FABP6: variants seen among roughly 807,000 people sequenced by gnomAD.
FABP6 encodes the protein gastrotropin.
FABP6 carries 13 observed loss-of-function variants against 14.9 expected under a neutral mutation model. That is an observed-to-expected ratio of 0.87 (90% CI 0.57 to 1.39). The LOEUF (loss-of-function observed/expected upper bound fraction) is 1.39. Ranked by LOEUF, FABP6 falls within the 40% of genes most tolerant of loss-of-function variation. FABP6 has a pLI of 0.00. For missense variants in FABP6, 161 were observed against 167.2 expected (o/e 0.96, Z 0.20); for synonymous variants, 75 against 63.6 (o/e 1.18, Z -0.85).
intron 3 of FABP6, among the ~76,000 whole-genome samples, chr5:160,235,143 C>T (rs545382605): frequency 6.6e-6 from 1 of 152,264 alleles, no homozygotes; most frequent in South Asian, 2.1e-4. Context: ...TGAGGGAGCA[C>T]ACAGATTTGA....
intron 2 of FABP6, among the ~76,000 whole-genome samples, chr5:160,206,232 C>A (rs1759761749): frequency 6.6e-6 from 1 of 152,086 alleles, no homozygotes; most frequent in Non-Finnish European, 1.5e-5. Context: ...GAGTTTGAGA[C>A]CAACCTGGCC....
At chr5:160,208,950 G>A (rs72810202) in intron 2 of FABP6, among the ~76,000 whole-genome samples, 68,478 of 151,114 alleles carry the variant, frequency 0.45, 15,991 homozygotes, top group East Asian at 0.73. Flanking sequence ...CTAATTTTTT[G>A]TATTTTTGGT....
chr5:160,208,093 ATTT>A (rs1032171203), intron 2 of FABP6, among the ~76,000 whole-genome samples: 4 of 151,948 alleles, frequency 2.6e-5, no homozygotes, highest in African/African-American at 9.7e-5. Flanking sequence ...AATTTTATGC[ATTT>A]TTCTGAATTT....
chr5:160,218,011 T>G (rs922385380), intron 3 of FABP6, among the ~76,000 whole-genome samples: 47 of 152,096 alleles, frequency 3.1e-4, no homozygotes, highest in African/African-American at 1.1e-3. Flanking sequence ...CAAACATAGC[T>G]CACTGCAGCC....
At chr5:160,208,852 C>G (rs1165640746) in intron 2 of FABP6, among the ~76,000 whole-genome samples, 1 of 150,366 alleles carries the variant, frequency 6.7e-6, no homozygotes, top group Non-Finnish European at 1.5e-5. Flanking sequence ...TCTCGGCTCA[C>G]TGCAACCTCT....
At chr5:160,233,858 C>T (rs1013075340) in intron 2 of FABP6, among the ~76,000 whole-genome samples, 60 of 145,972 alleles carry the variant, frequency 4.1e-4, no homozygotes, top group Admixed American at 2.8e-4. Flanking sequence ...GGCAACAGGG[C>T]GAGGCTCCGT....
chr5:160,201,742 T>C (rs547455416), intron 2 of FABP6, among the ~76,000 whole-genome samples: 8 of 151,398 alleles, frequency 5.3e-5, no homozygotes, highest in African/African-American at 1.7e-4. Flanking sequence ...GTGAGGTTTC[T>C]TTGAACTCAT....
In FABP6 at chr5:160,205,882, A is replaced by G. The variant is rs115214704; in HGVS notation, c.51+6725A>G. On this transcript the variant is annotated intron_variant, in intron 2 of 6. Coordinates refer to the FABP6 transcript ENST00000393980. ...CTGATCCACACAATCAGTCAACTTG[A>G]GAGTCCTCCCTTCCCATCTCTGGAA... 4.6e-3 allele frequency among the ~76,000 whole-genome samples: 697 copies of G among 152,332 alleles called. 7 individuals are homozygous for G. Among genetic ancestry groups the G allele is most frequent in the African/African-American group, 0.016 (681 of 41,578 alleles).
chr5:160,225,953 C>T (rs974088809), upstream of FABP6, among the ~76,000 whole-genome samples: 11 of 151,942 alleles, frequency 7.2e-5, no homozygotes, highest in African/African-American at 2.7e-4. Context: ...GCGAGTGGAT[C>T]ACTTGAGGTC....
At chr5:160,228,207 C>T (rs551847283), upstream of FABP6, among the ~76,000 whole-genome samples, 14 of 152,068 alleles carry the variant, frequency 9.2e-5, no homozygotes, top group South Asian at 1.2e-3. Context: ...GCCTAAGCAA[C>T]GTGGAGAAAC....
chr5:160,189,841 G>GT (rs1470014426), intron 1 of FABP6, among the ~76,000 whole-genome samples: 4 of 152,204 alleles, frequency 2.6e-5, no homozygotes, highest in African/African-American at 9.6e-5. Flanking sequence ...TTGTTGGTAT[G>GT]TATGCTCAGC....
intron 1 of FABP6, among the ~76,000 whole-genome samples, chr5:160,194,570 TA>T (rs1330809437): frequency 2.0e-5 from 3 of 151,848 alleles, no homozygotes; most frequent in Non-Finnish European, 4.4e-5. Flanking sequence ...AAAATAAAAA[TA>T]AAAAGAGAGA....
At chr5:160,213,255 C>A (rs150523400) in intron 2 of FABP6, among the ~76,000 whole-genome samples, 3 of 152,194 alleles carry the variant, frequency 2.0e-5, no homozygotes, top group Non-Finnish European at 1.5e-5. Context: ...ACTCATGTCC[C>A]GTTTGTCCCA....
At chr5:160,224,026 GA>G (rs1760192137) in intron 3 of FABP6, among the ~76,000 whole-genome samples, 1 of 151,776 alleles carries the variant, frequency 6.6e-6, no homozygotes, top group African/African-American at 2.4e-5. Flanking sequence ...CACGAGGTCA[GA>G]AGATCGAGAC....
chr5:160,227,525 C>CA (rs10645896), upstream of FABP6, among the ~76,000 whole-genome samples: 9,037 of 99,424 alleles, frequency 0.091, 581 homozygotes, highest in East Asian at 0.37. Context: ...GACTTCACTT[C>CA]AAAAAAAAAA....
chr5:160,201,022 C>T (rs369669140), intron 2 of FABP6, among the ~76,000 whole-genome samples: 7 of 152,092 alleles, frequency 4.6e-5, no homozygotes, highest in African/African-American at 1.4e-4. Context: ...TACATATTTG[C>T]GTGCATTTAT....
chr5:160,221,669 A>G (rs182587395), intron 3 of FABP6, among the ~76,000 whole-genome samples: 62 of 151,504 alleles, frequency 4.1e-4, no homozygotes, highest in Admixed American at 4.0e-3. Context: ...CTATTAGTGG[A>G]TTTGTCCATT....
Position 160,238,710 on chromosome 5 carries a change from A to G in FABP6, c.*51A>G. On this transcript the variant is annotated 3_prime_UTR_variant, in exon 4 of 4. Coordinates refer to ENST00000402432, the MANE Select transcript of FABP6 (RefSeq NM_001445.3). ...ACAAACCCACCAATAAAACTGATAT[A>G]AGGACAGACGCTGCTCGCTCCAGAA... The G allele has an allele frequency of 1.3e-6, 2 of 1,572,302 alleles. No individual in the cohort carries two copies. Among genetic ancestry groups the G allele is most frequent in the Non-Finnish European group, 1.8e-6 (2 of 1,142,392 alleles).
rs1760548465 is a variant in FABP6 at position 160,237,762 on chromosome 5, C to A, written c.334-844C>A. Reference sequence around the variant, plus strand: ...ATTCTACAGGTATGCTCTCCCCAGCCCCTCTGGACCAGCTACTGCTCCTGA... The same window carrying A: ...ATTCTACAGGTATGCTCTCCCCAGCACCTCTGGACCAGCTACTGCTCCTGA... On this transcript the variant is annotated intron_variant, in intron 3 of 3. Transcript: ENST00000402432. 2.0e-5 allele frequency among the ~76,000 whole-genome samples: 3 copies of A among 152,326 alleles called. No individual in the cohort carries two copies. In the South Asian group the frequency reaches 6.2e-4, roughly 32 times the overall value.
Sources: gnomAD v4.1 joint callset for allele counts (sites outside exome capture counted in the v4.1 genomes callset) on GRCh38, gnomAD v4.1.1 for gene constraint, MANE v1.5 for transcripts, NCBI Gene and HGNC (gene_info 2026-07-23, HGNC 2026-07-21) for gene names.